Variants in MALRD1 observed in about 807,000 individuals in gnomAD.
The protein encoded by MALRD1 is MAM and LDL receptor class A domain containing 1.
A neutral mutation model predicts 242.1 loss-of-function variants in MALRD1; 247 were observed. The observed-to-expected ratio is 1.02, with a 90% confidence interval of 0.92 to 1.13. The LOEUF is 1.13. MALRD1 is among the 50% of genes most tolerant of loss of function. MALRD1 has a pLI of 0.00. For missense variants in MALRD1, 2,989 were observed against 2,533.1 expected (o/e 1.18, Z -3.86); for synonymous variants, 995 against 866.6 (o/e 1.15, Z -2.60).
intron 36 of MALRD1, among the ~76,000 whole-genome samples, chr10:19,690,861 A>G (rs1842788526): frequency 6.6e-6 from 1 of 152,020 alleles, no homozygotes; most frequent in Non-Finnish European, 1.5e-5. Context: ...CTTTCTCCAT[A>G]TGTCTTAGGT....
chr10:19,623,087 AG>A (rs1455781159), intron 36 of MALRD1, among the ~76,000 whole-genome samples: 3 of 152,116 alleles, frequency 2.0e-5, no homozygotes, highest in African/African-American at 7.2e-5. Flanking sequence ...TTATGAATGT[AG>A]GAAAAAGCTT....
At chr10:19,565,953 C>T (rs931374790) in intron 32 of MALRD1, among the ~76,000 whole-genome samples, 2 of 151,980 alleles carry the variant, frequency 1.3e-5, no homozygotes, top group Admixed American at 6.6e-5. Flanking sequence ...ATTAACATCT[C>T]GATTTCTGAA....
chr10:19,542,315 G>A (rs544739116), intron 32 of MALRD1, among the ~76,000 whole-genome samples: 1 of 152,080 alleles, frequency 6.6e-6, no homozygotes, highest in Admixed American at 6.5e-5. Context: ...TTTATTTCAT[G>A]AAAGCCACCC....
At chr10:19,188,811 C>A (rs1028020293) in intron 14 of MALRD1, among the ~76,000 whole-genome samples, 4 of 151,412 alleles carry the variant, frequency 2.6e-5, no homozygotes, top group African/African-American at 9.7e-5. Flanking sequence ...ATTCCAAGGA[C>A]TGAATAAGGA....
chr10:19,538,042 G>A (rs1162090249), intron 32 of MALRD1, among the ~76,000 whole-genome samples: 1 of 152,140 alleles, frequency 6.6e-6, no homozygotes, highest in Admixed American at 6.5e-5. Flanking sequence ...TCTAAATAAA[G>A]CATATCTAAA....
chr10:19,464,405 C>T (rs1439996594), intron 29 of MALRD1, among the ~76,000 whole-genome samples: 2 of 152,060 alleles, frequency 1.3e-5, no homozygotes, highest in African/African-American at 4.8e-5. Context: ...GAGATGAGGA[C>T]CCAGTTGCAT....
intron 21 of MALRD1, among the ~76,000 whole-genome samples, chr10:19,294,956 T>C (rs185142472): frequency 4.0e-4 from 61 of 152,256 alleles, no homozygotes; most frequent in African/African-American, 1.4e-3. Flanking sequence ...ATACTGTTTT[T>C]GACTATGGTT....
At chr10:19,479,405 C>G (rs1004712810) in intron 29 of MALRD1, among the ~76,000 whole-genome samples, 1 of 152,078 alleles carries the variant, frequency 6.6e-6, no homozygotes, top group East Asian at 1.9e-4. Context: ...ATATTTGAGT[C>G]GGATGAGAGA....
chr10:19,694,731 C>CA (rs1023190521), intron 38 of MALRD1, among the ~76,000 whole-genome samples: 14 of 152,088 alleles, frequency 9.2e-5, no homozygotes, highest in African/African-American at 3.4e-4. Flanking sequence ...GGTATATACC[C>CA]AAAGGGATAT....
intron 36 of MALRD1, among the ~76,000 whole-genome samples, chr10:19,647,169 A>G (rs1840697248): frequency 1.3e-5 from 2 of 152,232 alleles, no homozygotes; most frequent in South Asian, 4.1e-4. Flanking sequence ...GTGACATTTC[A>G]TCAAAGTGCC....
chr10:19,464,651 T>A (rs1836130049), intron 29 of MALRD1, among the ~76,000 whole-genome samples: 1 of 152,198 alleles, frequency 6.6e-6, no homozygotes, highest in Non-Finnish European at 1.5e-5. Flanking sequence ...ATGTGATGCC[T>A]TCAGATTTGT....
intron 28 of MALRD1, among the ~76,000 whole-genome samples, chr10:19,439,046 A>T (rs1275137403): frequency 6.6e-6 from 1 of 151,788 alleles, no homozygotes; most frequent in African/African-American, 2.4e-5. Flanking sequence ...TGTTTACAAG[A>T]TGCTAATTTC....
At chr10:19,265,224 T>C (rs1839922840) in intron 19 of MALRD1, among the ~76,000 whole-genome samples, 1 of 152,040 alleles carries the variant, frequency 6.6e-6, no homozygotes, top group African/African-American at 2.4e-5. Context: ...TAATTATTTT[T>C]GCTCTAATCT....
chr10:19,501,371 T>A (rs1837961358), intron 31 of MALRD1, among the ~76,000 whole-genome samples: 1 of 152,104 alleles, frequency 6.6e-6, no homozygotes, highest in Non-Finnish European at 1.5e-5. Context: ...TCTTTAGAAA[T>A]TGCCCCTGTT....
At chr10:19,449,857 G>T (rs771737217) in intron 28 of MALRD1, among the ~76,000 whole-genome samples, 1 of 151,958 alleles carries the variant, frequency 6.6e-6, no homozygotes, top group Non-Finnish European at 1.5e-5. Flanking sequence ...TGAGGGGAGG[G>T]GGAAGAAAAA....
intron 33 of MALRD1, among the ~76,000 whole-genome samples, chr10:19,589,728 C>G (rs972050051): frequency 1.3e-5 from 2 of 152,182 alleles, no homozygotes; most frequent in African/African-American, 2.4e-5. Context: ...CTCTTTCCCT[C>G]CATCACAGTC....
chr10:19,338,004 G>C (rs1843684397), intron 24 of MALRD1, among the ~76,000 whole-genome samples: 1 of 151,176 alleles, frequency 6.6e-6, no homozygotes, highest in African/African-American at 2.4e-5. Context: ...AGAGGTTGTA[G>C]TGAGCCAAGA....
chr10:19,425,561 G>T lies in MALRD1; in HGVS notation c.4846-24746G>T, dbSNP rs559822545. On this transcript the variant is annotated intron_variant, in intron 28 of 39. Transcript: ENST00000454679. Reference sequence around the variant, plus strand: ...CAAAGGCTGACAAGTGTGCATTACAGGGAGGATGTAACTGTTCTCGATGGG... The same window carrying T: ...CAAAGGCTGACAAGTGTGCATTACATGGAGGATGTAACTGTTCTCGATGGG... Among the ~76,000 whole-genome samples, 5 of 152,110 alleles carry T rather than the reference G, an allele frequency of 3.3e-5. No individual in the cohort carries two copies. The East Asian group carries it at 9.7e-4, about 29-fold the overall frequency.
intron 31 of MALRD1, among the ~76,000 whole-genome samples, chr10:19,500,219 A>G (rs1837908921): frequency 6.6e-6 from 1 of 152,198 alleles, no homozygotes; most frequent in African/African-American, 2.4e-5. Context: ...TTTAAATTGA[A>G]TATTCTAACT....
Sources: allele counts gnomAD v4.1 joint callset (sites outside exome capture counted in the v4.1 genomes callset), GRCh38; gene constraint gnomAD v4.1.1; transcripts MANE v1.5; gene names NCBI Gene and HGNC (gene_info 2026-07-23, HGNC 2026-07-21).